The following CISD1 variants were observed in gnomAD, a reference collection of about 807,000 sequenced individuals.
CISD1 encodes the protein CDGSH iron-sulfur domain-containing protein 1.
In CISD1, 8 loss-of-function variants were observed where a neutral mutation model predicts 12.0. That is an observed-to-expected ratio of 0.67 (90% CI 0.39 to 1.20). The LOEUF (loss-of-function observed/expected upper bound fraction) is 1.20. Ranked by LOEUF, CISD1 falls within the 50% of genes most tolerant of loss-of-function variation. CISD1 has a pLI of 0.01. For synonymous variants in CISD1, 38 were observed against 42.2 expected (o/e 0.90, Z 0.39); for missense variants, 107 against 132.7 (o/e 0.81, Z 0.95).
intron 2 of CISD1, among the ~76,000 whole-genome samples, 170 bp from the exon 3 acceptor site, chr10:58,287,388 TTTC>T (rs1395753014): frequency 6.6e-6 from 1 of 152,208 alleles, no homozygotes; most frequent in African/African-American, 2.4e-5. Context: ...CACAAGTCAA[TTTC>T]TTCATCTTAC....
intron 2 of CISD1, chr10:58,282,832 G>A (rs1169684847): frequency 1.3e-5 from 2 of 152,120 alleles, no homozygotes; most frequent in Non-Finnish European, 2.9e-5. Flanking sequence ...GAAGATGAAA[G>A]GACTCTGATG....
intron 2 of CISD1, among the ~76,000 whole-genome samples, chr10:58,286,670 A>T (rs561848440): frequency 4.6e-5 from 7 of 152,314 alleles, no homozygotes; most frequent in Non-Finnish European, 1.0e-4. Flanking sequence ...TCTGCAAAAC[A>T]CTATGTTAGA....
At chr10:58,285,322 C>G (rs534294803) in intron 2 of CISD1, among the ~76,000 whole-genome samples, 1 of 152,264 alleles carries the variant, frequency 6.6e-6, no homozygotes, top group Non-Finnish European at 1.5e-5. Context: ...ATTACTTTAA[C>G]ATTAAGTAGC....
chr10:58,289,248 C>T lies in CISD1; in HGVS notation c.*1598C>T, dbSNP rs1031687372. 3 of 152,138 alleles carry T rather than the reference C, an allele frequency of 2.0e-5. No individual in the cohort carries two copies. The highest frequency in any genetic ancestry group is 2.9e-5 in the Non-Finnish European group (2 of 67,914). 9.4% of individuals were successfully genotyped at this position (152,138 alleles called of 1,614,324 possible). A position where few individuals can be genotyped will look rare whatever the true frequency, so the allele number is the denominator to read the frequency against. ...GAACTGTTTTAAAGAAAAATAAATG[C>T]ATCAACTCCCAGTGTTTCTGATAAA... On this transcript the variant is annotated 3_prime_UTR_variant, in exon 3 of 3. Coordinates refer to ENST00000333926, the MANE Select transcript of CISD1 (RefSeq NM_018464.5).
At chr10:58,285,197 C>T (rs1839415322) in intron 2 of CISD1, among the ~76,000 whole-genome samples, 1 of 152,086 alleles carries the variant, frequency 6.6e-6, no homozygotes. Context: ...CTGCCCTCTA[C>T]GACAGGATAG....
chr10:58,284,513 TA>T (rs1164626974), intron 2 of CISD1, among the ~76,000 whole-genome samples: 10 of 152,230 alleles, frequency 6.6e-5, no homozygotes, highest in Admixed American at 6.5e-4. Flanking sequence ...TTATACACTT[TA>T]ATCGCATGAA....
At chr10:58,284,996 T>C (rs1275434902) in intron 2 of CISD1, among the ~76,000 whole-genome samples, 1 of 152,212 alleles carries the variant, frequency 6.6e-6, no homozygotes, top group Non-Finnish European at 1.5e-5. Flanking sequence ...TTTGAAATGC[T>C]GTACTTTGCT....
chr10:58,271,675 A>G (rs1277729586), intron 1 of CISD1, among the ~76,000 whole-genome samples: 1 of 152,230 alleles, frequency 6.6e-6, no homozygotes, highest in Non-Finnish European at 1.5e-5. Context: ...GGTAAGCACT[A>G]TATAAATATA....
Position 58,289,192 on chromosome 10 carries a change from A to C in CISD1, c.*1542A>C, listed in dbSNP as rs566528578. 7 of 152,362 alleles carry C rather than the reference A, an allele frequency of 4.6e-5. No homozygotes were observed. Among genetic ancestry groups the C allele is most frequent in the Admixed American group, 2.6e-4 (4 of 15,294 alleles). 9.4% of individuals were successfully genotyped at this position (152,362 alleles called of 1,614,324 possible). A position where few individuals can be genotyped will look rare whatever the true frequency, so the allele number is the denominator to read the frequency against. Reference sequence around the variant, plus strand: ...TCTTTTTAAGATAAGTATGCATGTCAGCAAAACAGAGCAATCATGCTTTTA... The same window carrying C: ...TCTTTTTAAGATAAGTATGCATGTCCGCAAAACAGAGCAATCATGCTTTTA... On this transcript the variant is annotated 3_prime_UTR_variant, in exon 3 of 3. Transcript: ENST00000333926.
At chr10:58,282,568 A>G (rs1275872724) in intron 2 of CISD1, among the ~76,000 whole-genome samples, 16 of 152,256 alleles carry the variant, frequency 1.1e-4, no homozygotes, top group Non-Finnish European at 1.0e-4. Context: ...AGTATTTTCT[A>G]TCAGCAGTTG....
chr10:58,271,092 T>G (rs925641216), intron 1 of CISD1, among the ~76,000 whole-genome samples: 1 of 144,398 alleles, frequency 6.9e-6, no homozygotes, highest in East Asian at 2.1e-4. Flanking sequence ...CAGGCTGGAG[T>G]GCAGTGGCGG....
intron 1 of CISD1, among the ~76,000 whole-genome samples, chr10:58,271,188 C>T (rs1294850274): frequency 6.6e-6 from 1 of 150,646 alleles, no homozygotes; most frequent in Non-Finnish European, 1.5e-5. Context: ...TACAGGCGCC[C>T]GCCACTACGC....
chr10:58,288,556 C>T lies in CISD1; in HGVS notation c.*906C>T, dbSNP rs1839454981. On this transcript the variant is annotated 3_prime_UTR_variant, in exon 3 of 3. Transcript: ENST00000333926. ...TTTTTTCCCACTCTAGCTAATCAAG[C>T]ACATGGCTTTTAAATTGTATGATCT... 1.3e-5 allele frequency: 2 copies of T among 151,836 alleles called. No homozygotes were observed. Among genetic ancestry groups the T allele is most frequent in the African/African-American group, 4.8e-5 (2 of 41,312 alleles). 9.4% of individuals were successfully genotyped at this position (151,836 alleles called of 1,614,324 possible).
chr10:58,277,127 C>T lies in CISD1; in HGVS notation c.42C>T (p.Ile14=), dbSNP rs138725021. The change falls in exon 2 of 3, where the codon ATC becomes ATT. Residue 14 remains isoleucine (I), a synonymous_variant. Transcript: ENST00000333926. ...TSSSSVRVEW[I]AAVTIAAGTA... Reference sequence around the variant, plus strand: ...CCTTCCCTGCTCTAGTTGAATGGATCGCAGCAGTTACCATTGCTGCTGGGA... The same window carrying T: ...CCTTCCCTGCTCTAGTTGAATGGATTGCAGCAGTTACCATTGCTGCTGGGA... The T allele has an allele frequency of 3.1e-5, 49 of 1,601,100 alleles. No individual in the cohort carries two copies. The highest frequency in any genetic ancestry group is 6.9e-5 in the Admixed American group (4 of 58,312).
intron 2 of CISD1, among the ~76,000 whole-genome samples, chr10:58,279,085 G>A (rs1839346827): frequency 6.6e-6 from 1 of 152,156 alleles, no homozygotes; most frequent in Non-Finnish European, 1.5e-5. Context: ...GGGAATGATG[G>A]TGATACAAGA....
At chr10:58,274,374 A>T (rs894441261) in intron 1 of CISD1, among the ~76,000 whole-genome samples, 3 of 150,164 alleles carry the variant, frequency 2.0e-5, no homozygotes, top group African/African-American at 7.4e-5. Flanking sequence ...TGCCAGTGGC[A>T]TCCACAGCTT....
intron 2 of CISD1, among the ~76,000 whole-genome samples, chr10:58,280,122 A>T (rs1184345451): frequency 6.6e-6 from 1 of 152,222 alleles, no homozygotes; most frequent in Non-Finnish European, 1.5e-5. Flanking sequence ...GCAAGGAAGG[A>T]CTTGTGAACA....
At chr10:58,287,225 A>T (rs1313572391) in intron 2 of CISD1, among the ~76,000 whole-genome samples, 5 of 152,184 alleles carry the variant, frequency 3.3e-5, no homozygotes, top group African/African-American at 1.2e-4. Flanking sequence ...CTGGCCGCAA[A>T]TTGATTTTAA....
chr10:58,278,816 G>C (rs745509412), intron 2 of CISD1, among the ~76,000 whole-genome samples: 1 of 152,058 alleles, frequency 6.6e-6, no homozygotes, highest in Non-Finnish European at 1.5e-5. Flanking sequence ...TTCCATACCT[G>C]ACCTCATGTG....
Sources: allele counts gnomAD v4.1 joint callset (sites outside exome capture counted in the v4.1 genomes callset), GRCh38; gene constraint gnomAD v4.1.1; transcripts MANE v1.5; gene names NCBI Gene and HGNC (gene_info 2026-07-23, HGNC 2026-07-21).